CORO1C: variants seen among roughly 807,000 people sequenced by gnomAD.
CORO1C encodes the protein coronin-1C.
A neutral mutation model predicts 51.2 loss-of-function variants in CORO1C; 14 were observed. The observed-to-expected ratio is 0.27, with a 90% CI of 0.18 to 0.43. CORO1C has a LOEUF of 0.43. Among genes scored for constraint, CORO1C ranks in the 20% least tolerant of loss-of-function variants. The probability of loss-of-function intolerance (pLI) is 1.00; values close to 1 mark genes in which losing one functional copy is unlikely to be tolerated. For missense variants in CORO1C, 417 were observed against 607.8 expected, an observed-to-expected ratio of 0.69 and a Z score of 3.30; for synonymous variants, 181 against 210.5, an observed-to-expected ratio of 0.86 and a Z score of 1.21.
intron 1 of CORO1C, among the ~76,000 whole-genome samples, chr12:108,727,290 T>C (rs947356322): frequency 8.5e-5 from 13 of 152,190 alleles, no homozygotes; most frequent in Non-Finnish European, 1.8e-4. Context: ...TGTCTGCCTG[T>C]GAGATGAGGA....
chr12:108,661,989 A>G, intron 4 of CORO1C, 40 bp downstream of exon 4: 1 of 1,612,582 alleles, frequency 6.2e-7, no homozygotes, highest in East Asian at 2.2e-5. Flanking sequence ...GAGCCACAAG[A>G]GTGGAAGACA....
intron 1 of CORO1C, among the ~76,000 whole-genome samples, chr12:108,729,204 C>G (rs967076817): frequency 6.6e-6 from 1 of 152,106 alleles, no homozygotes; most frequent in Admixed American, 6.5e-5. Flanking sequence ...CCAGAAGTGA[C>G]AGATAAGTTA....
intron 2 of CORO1C, among the ~76,000 whole-genome samples, chr12:108,684,004 G>A (rs974381307): frequency 1.3e-5 from 2 of 152,108 alleles, no homozygotes; most frequent in African/African-American, 4.8e-5. Flanking sequence ...AGCAACAAAA[G>A]CAAACCAAAT....
intron 1 of CORO1C, among the ~76,000 whole-genome samples, chr12:108,705,995 T>G (rs2035017421): frequency 6.6e-6 from 1 of 152,010 alleles, no homozygotes; most frequent in African/African-American, 2.4e-5. Flanking sequence ...AAGACCAGCT[T>G]GCACAACATG....
intron 8 of CORO1C, among the ~76,000 whole-genome samples, chr12:108,651,750 T>A (rs915591007): frequency 4.6e-5 from 7 of 152,244 alleles, no homozygotes; most frequent in Non-Finnish European, 8.8e-5. Flanking sequence ...TTCAGTTATA[T>A]GGGCAGGAAA....
At chr12:108,678,719 A>T (rs1456639523) in intron 2 of CORO1C, among the ~76,000 whole-genome samples, 8 of 85,248 alleles carry the variant, frequency 9.4e-5, no homozygotes, top group African/African-American at 3.5e-4. Context: ...TCCATGGCTT[A>T]AAAAAAAAAA....
At chr12:108,679,109 C>CAAAAAAAAAAAAAAAAA (rs1183326267) in intron 2 of CORO1C, among the ~76,000 whole-genome samples, 1 of 22,150 alleles carries the variant, frequency 4.5e-5, no homozygotes, top group African/African-American at 1.4e-4. Flanking sequence ...GACTCTGTCT[C>CAAAAAAAAAAAAAAAAA]AAAAAAAAAA....
At chr12:108,676,740 C>T (rs114803880) in intron 3 of CORO1C, among the ~76,000 whole-genome samples, 2,803 of 150,380 alleles carry the variant, frequency 0.019, 79 homozygotes, top group African/African-American at 0.065. Context: ...CCATTATACT[C>T]CAACCTGGGT....
At chr12:108,696,559 A>G (rs2034692610) in intron 2 of CORO1C, among the ~76,000 whole-genome samples, 1 of 152,218 alleles carries the variant, frequency 6.6e-6, no homozygotes, top group Admixed American at 6.5e-5. Flanking sequence ...TATTCATGCC[A>G]ACGTGGTAGA....
intron 2 of CORO1C, among the ~76,000 whole-genome samples, chr12:108,698,558 C>T (rs1053772048): frequency 6.6e-6 from 1 of 152,240 alleles, no homozygotes; most frequent in African/African-American, 2.4e-5. Flanking sequence ...AGGTGTGCAC[C>T]ACCATGCCCG....
Position 108,648,702 on chromosome 12 carries a change from T to C in CORO1C, c.1208A>G (p.Lys403Arg), listed in dbSNP as rs1471679935. 5.0e-6 allele frequency: 8 copies of C among 1,614,038 alleles called. No individual in the cohort carries two copies. In the African/African-American group the frequency reaches 8.0e-5, roughly 16 times the overall value. The change falls in exon 10 of 11, where the codon AAG becomes AGG. Residue 403 changes from lysine (K) to arginine (R), a missense_variant. Physicochemically the swap from Lys to Arg is conservative, Grantham distance 26 (BLOSUM62 2). Transcript: ENST00000261401. ...ATCCAGAATGTTCTTCTTGACCACC[T>C]TGAGATCCCTGTTTTTGCCTGGAAT... The part of the protein sequence containing the change: ...GYIPGKNRDL[K>R]VVKKNILDSK...
chr12:108,665,328 G>A (rs759803302), intron 3 of CORO1C, among the ~76,000 whole-genome samples: 4 of 152,088 alleles, frequency 2.6e-5, no homozygotes, highest in Non-Finnish European at 5.9e-5. Flanking sequence ...CTGGTTTAAC[G>A]GTTCCCTCAG....
chr12:108,685,627 C>A lies in CORO1C; in HGVS notation c.196-7233G>T, dbSNP rs560146042. 4.0e-4 allele frequency among the ~76,000 whole-genome samples: 60 copies of A among 151,488 alleles called. 2 individuals are homozygous for A. In the South Asian group the frequency reaches 0.013, roughly 32 times the overall value. On this transcript the variant is annotated intron_variant, in intron 2 of 10. Coordinates refer to ENST00000261401, the MANE Select transcript of CORO1C (RefSeq NM_014325.4). ...TGCCATGGGTTGTAAAAAAAAGGCA[C>A]ACAAGTAATGTTAAAAATTATTGGC... is the stretch of plus-strand genomic sequence containing the variant.
intron 4 of CORO1C, among the ~76,000 whole-genome samples, chr12:108,659,877 A>C (rs189935805): frequency 6.6e-6 from 1 of 152,370 alleles, no homozygotes; most frequent in Admixed American, 6.5e-5. Flanking sequence ...GTAATCAAGT[A>C]GCTACATAGA....
intron 3 of CORO1C, among the ~76,000 whole-genome samples, chr12:108,677,628 C>T (rs2033954275): frequency 6.6e-6 from 1 of 152,126 alleles, no homozygotes; most frequent in South Asian, 2.1e-4. Context: ...CCTTTTGGGG[C>T]GAGGGGAAAT....
chr12:108,729,293 T>C (rs1051158239), intron 1 of CORO1C, among the ~76,000 whole-genome samples: 8 of 152,336 alleles, frequency 5.3e-5, no homozygotes, highest in Non-Finnish European at 8.8e-5. Context: ...TCCTAAACTA[T>C]ATATAAATAA....
At chr12:108,667,030 A>T (rs888052629) in intron 3 of CORO1C, among the ~76,000 whole-genome samples, 1 of 152,114 alleles carries the variant, frequency 6.6e-6, no homozygotes. Context: ...TGCGGATACA[A>T]TAACTAAATA....
chr12:108,655,727 C>G (rs1212265969), intron 6 of CORO1C, among the ~76,000 whole-genome samples: 1 of 152,166 alleles, frequency 6.6e-6, no homozygotes, highest in Non-Finnish European at 1.5e-5. Flanking sequence ...TCTCGGCTAG[C>G]TACAACCTCC....
chr12:108,701,237 G>T lies in CORO1C; in HGVS notation c.82C>A (p.Arg28=). 6.2e-7 allele frequency: 1 copy of T among 1,614,110 alleles called. No homozygotes were observed. Among genetic ancestry groups the T allele is most frequent in the Non-Finnish European group, 8.5e-7 (1 of 1,180,006 alleles). ...CTATCCCAGGTCACACGAGAAACCC[G>T]GATGTCATCATAGCACTGGTCATTT... ...VKNDQCYDDI[R]VSRVTWDSSF... The change falls in exon 2 of 11, where the codon CGG becomes AGG. Residue 28 remains arginine (R), a synonymous_variant. Coordinates refer to ENST00000261401, the MANE Select transcript of CORO1C (RefSeq NM_014325.4).
Sources: allele counts gnomAD v4.1 joint callset (sites outside exome capture counted in the v4.1 genomes callset), GRCh38; gene constraint gnomAD v4.1.1; transcripts MANE v1.5; gene names NCBI Gene and HGNC (gene_info 2026-07-23, HGNC 2026-07-21).